PHACTR4: variants seen among roughly 807,000 people sequenced by gnomAD.
PHACTR4 encodes protein phosphatase 1, regulatory subunit 124.
Under a neutral mutation model 72.7 loss-of-function variants are expected in PHACTR4, and 51 were observed. The ratio of observed to expected loss-of-function variants is 0.70; its 90% confidence interval spans 0.56 to 0.89. The LOEUF (loss-of-function observed/expected upper bound fraction) is 0.89, where lower values mean the gene tolerates loss of function less well. Among genes scored for constraint, PHACTR4 ranks in the 40% least tolerant of loss-of-function variants. PHACTR4 has a pLI of 0.00. For missense variants in PHACTR4, 731 were observed against 861.8 expected, an observed-to-expected ratio of 0.85 and a Z score of 1.90; for synonymous variants, 255 against 302.5, an observed-to-expected ratio of 0.84 and a Z score of 1.63.
chr1:28,443,482 C>T (rs548260950), intron 2 of PHACTR4, among the ~76,000 whole-genome samples: 3 of 151,798 alleles, frequency 2.0e-5, no homozygotes, highest in Non-Finnish European at 1.5e-5. Flanking sequence ...GAATCCCACT[C>T]TGTCACCCAG....
At chr1:28,433,710 G>A (rs773634183) in intron 2 of PHACTR4, among the ~76,000 whole-genome samples, 13 of 151,750 alleles carry the variant, frequency 8.6e-5, no homozygotes, top group Non-Finnish European at 1.5e-4. Flanking sequence ...CGCCCGCCTC[G>A]GTTTCTGAAA....
intron 6 of PHACTR4, among the ~76,000 whole-genome samples, chr1:28,468,755 G>A (rs559579039): frequency 1.3e-5 from 2 of 152,248 alleles, no homozygotes; most frequent in African/African-American, 4.8e-5. Flanking sequence ...GACACTACCC[G>A]TAGAGTTTCT....
rs1661565819 is a variant in PHACTR4, at chr1:28,499,777, C to T, written c.*3228C>T. On this transcript the variant is annotated 3_prime_UTR_variant, in exon 14 of 14. Transcript: ENST00000373839. ...AGGTGTGAGTCATCATGCCCAGCCTCCTTGAAGTTTACTAACAATTGGGAT... is the reference window on the plus strand; with the variant it reads ...AGGTGTGAGTCATCATGCCCAGCCTTCTTGAAGTTTACTAACAATTGGGAT... 1 of 152,090 alleles carries T rather than the reference C, an allele frequency of 6.6e-6. No homozygotes were observed. Among genetic ancestry groups the T allele is most frequent in the African/African-American group, 2.4e-5 (1 of 41,398 alleles). The allele number at this position is 152,090 out of a possible 1,614,324, so 9.4% of individuals were successfully genotyped here. A position where few individuals can be genotyped will look rare whatever the true frequency, so the allele number is the denominator to read the frequency against.
chr1:28,445,736 AT>A (rs1287612693), intron 2 of PHACTR4, among the ~76,000 whole-genome samples: 2 of 152,114 alleles, frequency 1.3e-5, no homozygotes, highest in Admixed American at 1.3e-4. Flanking sequence ...TACAAAAAAA[AT>A]GTAACAATTA....
chr1:28,390,868 G>T (rs1652958034), intron 1 of PHACTR4, among the ~76,000 whole-genome samples: 1 of 152,034 alleles, frequency 6.6e-6, no homozygotes, highest in Non-Finnish European at 1.5e-5. Flanking sequence ...GTGGAGGCAG[G>T]CGGATTGCTT....
Position 28,473,753 on chromosome 1 carries a change from C to T in PHACTR4, c.1023C>T (p.Arg341=), listed in dbSNP as rs747087506. The change falls in exon 7 of 14, where the codon CGC becomes CGT. Residue 341 remains arginine (R), a synonymous_variant. Transcript: ENST00000373839. The part of the protein sequence containing the change: ...GSELLPMISP[R]SPSPPLPTHI... ...AACTACTACCAATGATCTCACCTCG[C>T]TCTCCGTCCCCCCCACTGCCTACTC... 59 of 1,613,986 alleles carry T rather than the reference C, an allele frequency of 3.7e-5. No individual in the cohort carries two copies. Among genetic ancestry groups the T allele is most frequent in the Non-Finnish European group, 4.7e-5 (55 of 1,180,028 alleles).
intron 2 of PHACTR4, among the ~76,000 whole-genome samples, chr1:28,420,317 G>T (rs575992441): frequency 6.6e-6 from 1 of 152,226 alleles, no homozygotes; most frequent in African/African-American, 2.4e-5. Flanking sequence ...AATTATGGGG[G>T]CAGTTTACCC....
chr1:28,398,270 T>C (rs1462832682), intron 1 of PHACTR4, among the ~76,000 whole-genome samples: 2 of 152,180 alleles, frequency 1.3e-5, no homozygotes, highest in East Asian at 3.9e-4. Flanking sequence ...CCTGTAATCC[T>C]GGAACTTTGG....
chr1:28,489,966 T>G (rs1361811956), intron 10 of PHACTR4: 3 of 504,578 alleles, frequency 5.9e-6, no homozygotes, highest in Non-Finnish European at 1.2e-5. Flanking sequence ...CAAAACTCAG[T>G]GTGATCACCA....
intron 8 of PHACTR4, among the ~76,000 whole-genome samples, chr1:28,478,033 C>T (rs1291369328): frequency 6.6e-6 from 1 of 152,012 alleles, no homozygotes; most frequent in African/African-American, 2.4e-5. Context: ...ACCCATTAAC[C>T]AGTCTCTCTC....
intron 1 of PHACTR4, among the ~76,000 whole-genome samples, chr1:28,387,059 G>A (rs1015882271): frequency 2.0e-5 from 3 of 151,896 alleles, no homozygotes; most frequent in African/African-American, 4.8e-5. Context: ...TCAAGAGATC[G>A]AGACAACCCT....
intron 7 of PHACTR4, among the ~76,000 whole-genome samples, chr1:28,475,240 T>G (rs936687589): frequency 7.2e-5 from 11 of 152,172 alleles, no homozygotes; most frequent in African/African-American, 2.6e-4. Flanking sequence ...TGTGAGCCAC[T>G]GCGCCTGGCC....
At chr1:28,451,906 C>T (rs1052717811) in intron 2 of PHACTR4, among the ~76,000 whole-genome samples, 1 of 152,050 alleles carries the variant, frequency 6.6e-6, no homozygotes, top group Non-Finnish European at 1.5e-5. Flanking sequence ...TCCCAGAGTG[C>T]TAGGATTAAA....
At chr1:28,461,218 A>T (rs1363655733) in intron 4 of PHACTR4, among the ~76,000 whole-genome samples, 1 of 151,844 alleles carries the variant, frequency 6.6e-6, no homozygotes, top group Non-Finnish European at 1.5e-5. Flanking sequence ...GACGGGCAGA[A>T]CACTTAAGGT....
chr1:28,489,839 T>C (rs772183202), intron 10 of PHACTR4: 2 of 519,034 alleles, frequency 3.9e-6, no homozygotes, highest in South Asian at 1.4e-5. Context: ...CTTGGGGCTA[T>C]TTGTGAGCAT....
chr1:28,384,065 G>A (rs946823125), intron 1 of PHACTR4, among the ~76,000 whole-genome samples: 2 of 152,160 alleles, frequency 1.3e-5, no homozygotes, highest in African/African-American at 4.8e-5. Flanking sequence ...TGATTTGCCA[G>A]TATTTTGTTG....
At chr1:28,484,843 G>A (rs1660531769) in intron 9 of PHACTR4, among the ~76,000 whole-genome samples, 1 of 151,916 alleles carries the variant, frequency 6.6e-6, no homozygotes, top group Non-Finnish European at 1.5e-5. Context: ...GCAGGCACCT[G>A]TAGTCCCAGC....
At chr1:28,448,285 G>A (rs1457451585) in intron 2 of PHACTR4, among the ~76,000 whole-genome samples, 1 of 151,972 alleles carries the variant, frequency 6.6e-6, no homozygotes, top group Admixed American at 6.6e-5. Flanking sequence ...GGAGGTCGAA[G>A]CGGATAGATC....
chr1:28,381,008 AT>A (rs201429851), intron 1 of PHACTR4, among the ~76,000 whole-genome samples: 240 of 142,502 alleles, frequency 1.7e-3, no homozygotes, highest in African/African-American at 2.7e-3. Context: ...TATTTTTTGA[AT>A]TTTTTTTTTT....
Sources: gnomAD v4.1 joint callset for allele counts (sites outside exome capture counted in the v4.1 genomes callset) on GRCh38, gnomAD v4.1.1 for gene constraint, MANE v1.5 for transcripts, NCBI Gene and HGNC (gene_info 2026-07-23, HGNC 2026-07-21) for gene names.